Variants in LOC128462377 observed in about 807,000 individuals in gnomAD.
chr16:89,342,753 C>T, the LOC128462377 span, among the ~76,000 whole-genome samples: 1 of 152,156 alleles, frequency 6.6e-6, no homozygotes. Context: ...AAATTAAATA[C>T]TAAATACTCT....
chr16:89,351,163 G>T, the LOC128462377 span, among the ~76,000 whole-genome samples: 4 of 152,240 alleles, frequency 2.6e-5, no homozygotes, highest in Admixed American at 6.5e-5. Flanking sequence ...AGCTCGTCAA[G>T]AGCACTGTTG....
chr16:89,381,982 G>C, the LOC128462377 span, among the ~76,000 whole-genome samples: 1 of 152,204 alleles, frequency 6.6e-6, no homozygotes, highest in African/African-American at 2.4e-5. Context: ...GTGTGTCTGA[G>C]ATCGTTTAAC....
the LOC128462377 span, among the ~76,000 whole-genome samples, chr16:89,321,877 C>T: frequency 3.9e-5 from 6 of 152,188 alleles, no homozygotes; most frequent in Non-Finnish European, 8.8e-5. Flanking sequence ...TCTCCTCTTC[C>T]TCTTCAGCCT....
At chr16:89,332,308 C>T in the LOC128462377 span, among the ~76,000 whole-genome samples, 6 of 152,208 alleles carry the variant, frequency 3.9e-5, no homozygotes, top group African/African-American at 1.4e-4. Context: ...CTGGTGAACG[C>T]TCTTCAGCTC....
the LOC128462377 span, among the ~76,000 whole-genome samples, chr16:89,326,555 A>G: frequency 1.1e-4 from 17 of 152,260 alleles, no homozygotes; most frequent in South Asian, 3.3e-3. Context: ...GACCCGGGCA[A>G]TGTAGGGAAA....
the LOC128462377 span, among the ~76,000 whole-genome samples, chr16:89,338,001 T>C: frequency 6.6e-6 from 1 of 152,170 alleles, no homozygotes; most frequent in Non-Finnish European, 1.5e-5. Flanking sequence ...CACAGTGACC[T>C]GCCTCCCACA....
the LOC128462377 span, among the ~76,000 whole-genome samples, chr16:89,384,874 G>GTT: frequency 1.5e-3 from 107 of 72,708 alleles, no homozygotes; most frequent in East Asian, 3.9e-3. Context: ...ATGAGAAATA[G>GTT]TTTTCTTTTT....
chr16:89,394,098 C>T, the LOC128462377 span, among the ~76,000 whole-genome samples: 133 of 152,270 alleles, frequency 8.7e-4, 3 homozygotes, highest in East Asian at 0.023. Context: ...AGACTCCACC[C>T]ATCACAGTCC....
At chr16:89,340,399 T>C in the LOC128462377 span, among the ~76,000 whole-genome samples, 92 of 152,350 alleles carry the variant, frequency 6.0e-4, 1 homozygote, top group Middle Eastern at 3.4e-3. Flanking sequence ...TGCAGCCCCC[T>C]GAGTAGCTGA....
chr16:89,340,278 TTTG>T, the LOC128462377 span, among the ~76,000 whole-genome samples: 114 of 152,316 alleles, frequency 7.5e-4, no homozygotes, highest in Non-Finnish European at 1.2e-3. Context: ...TGTTGTAATT[TTTG>T]TTGTTGTTGT....
chr16:89,418,198 C>T, the LOC128462377 span: 1 of 437,272 alleles, frequency 2.3e-6, no homozygotes, highest in Admixed American at 2.4e-5. Flanking sequence ...GAAAACCAAC[C>T]TGGACACTCA....
the LOC128462377 span, among the ~76,000 whole-genome samples, chr16:89,364,145 T>C: frequency 6.6e-6 from 1 of 152,186 alleles, no homozygotes; most frequent in Non-Finnish European, 1.5e-5. Flanking sequence ...TTTCCAGCCC[T>C]GGAGCCTGGG....
the LOC128462377 span, among the ~76,000 whole-genome samples, chr16:89,352,720 G>A: frequency 6.6e-6 from 1 of 152,186 alleles, no homozygotes; most frequent in Non-Finnish European, 1.5e-5. Context: ...GCCTCAGCTG[G>A]GTGAGTCCCG....
the LOC128462377 span, among the ~76,000 whole-genome samples, chr16:89,385,006 C>T: frequency 3.3e-5 from 5 of 149,296 alleles, no homozygotes; most frequent in East Asian, 9.9e-4. Flanking sequence ...CTGACTCAGC[C>T]TCCCAAGTAG....
chr16:89,361,703 A>G, the LOC128462377 span: 2 of 152,256 alleles, frequency 1.3e-5, no homozygotes, highest in African/African-American at 4.8e-5. Context: ...TCAGTAGAAG[A>G]TCACCACCCA....
chr16:89,399,989 GGGGCCGGTC>G, the LOC128462377 span, among the ~76,000 whole-genome samples: 1 of 151,422 alleles, frequency 6.6e-6, no homozygotes, highest in African/African-American at 2.4e-5. Flanking sequence ...TCCTGCGCTG[GGGGCCGGTC>G]ATCTGCTGCC....
At chr16:89,354,652 C>A in the LOC128462377 span, among the ~76,000 whole-genome samples, 1 of 152,174 alleles carries the variant, frequency 6.6e-6, no homozygotes. Context: ...GAGGCCGAGG[C>A]AGGTGAATCA....
the LOC128462377 span, among the ~76,000 whole-genome samples, chr16:89,413,365 C>T: frequency 0.51 from 77,450 of 151,930 alleles, 20,277 homozygotes; most frequent in Middle Eastern, 0.72. Context: ...GTGGCTCACG[C>T]CTGTAATCCC....
At chr16:89,361,580 C>T in the LOC128462377 span, 2 of 152,290 alleles carry the variant, frequency 1.3e-5, no homozygotes. Context: ...CCAGAAGGCT[C>T]TGCAGGCAGC....
Sources: gnomAD v4.1 joint callset for allele counts (sites outside exome capture counted in the v4.1 genomes callset) on GRCh38, gnomAD v4.1.1 for gene constraint, MANE v1.5 for transcripts.